SLC71A2: variants seen among roughly 807,000 people sequenced by gnomAD.
SLC71A2 encodes the protein solute carrier family 71 member 2.
At chr9:94,419,941 A>G in the SLC71A2 span, among the ~76,000 whole-genome samples, 30 of 152,036 alleles carry the variant, frequency 2.0e-4, no homozygotes, top group African/African-American at 7.0e-4. Context: ...TTGGTAAGAG[A>G]TTATAGTTAA....
At chr9:94,456,427 A>G in the SLC71A2 span, 25 of 983,944 alleles carry the variant, frequency 2.5e-5, no homozygotes, top group African/African-American at 3.5e-4. Context: ...CCCCATCAAC[A>G]GCAGGAGCCG....
chr9:94,387,034 T>TG, the SLC71A2 span, among the ~76,000 whole-genome samples: 2 of 152,266 alleles, frequency 1.3e-5, no homozygotes, highest in Admixed American at 1.3e-4. Context: ...ATATGAATAT[T>TG]ACTATTTTGC....
the SLC71A2 span, among the ~76,000 whole-genome samples, chr9:94,440,077 A>G: frequency 6.6e-6 from 1 of 152,120 alleles, no homozygotes. Flanking sequence ...GTATCCACAG[A>G]TTTTTAAAAA....
At chr9:94,424,663 G>T in the SLC71A2 span, among the ~76,000 whole-genome samples, 1 of 148,602 alleles carries the variant, frequency 6.7e-6, no homozygotes, top group East Asian at 2.0e-4. Flanking sequence ...AATCTGCTAA[G>T]AATTTTTATT....
chr9:94,402,053 TTTC>T, the SLC71A2 span, among the ~76,000 whole-genome samples: 1 of 152,194 alleles, frequency 6.6e-6, no homozygotes, highest in Non-Finnish European at 1.5e-5. Context: ...ATCACTCTCA[TTTC>T]TGTCTTGTTT....
At chr9:94,447,083 T>G in the SLC71A2 span, 3 of 538,366 alleles carry the variant, frequency 5.6e-6, no homozygotes, top group Non-Finnish European at 9.9e-6. Flanking sequence ...ATATAATTAG[T>G]AAACAGGGCA....
At chr9:94,376,608 G>C in the SLC71A2 span, among the ~76,000 whole-genome samples, 2 of 139,258 alleles carry the variant, frequency 1.4e-5, no homozygotes, top group African/African-American at 2.7e-5. Flanking sequence ...TCCACAGTTC[G>C]ATAAGTTAAC....
At chr9:94,460,706 G>A in the SLC71A2 span, 7 of 152,460 alleles carry the variant, frequency 4.6e-5, no homozygotes, top group East Asian at 1.9e-4. Context: ...ATGGGGTGCT[G>A]TGTAAATCTT....
At chr9:94,407,686 T>C in the SLC71A2 span, among the ~76,000 whole-genome samples, 1 of 152,090 alleles carries the variant, frequency 6.6e-6, no homozygotes, top group South Asian at 2.1e-4. Context: ...CCTATAGTTT[T>C]CTTGTAGTGT....
the SLC71A2 span, chr9:94,456,103 A>G: frequency 2.8e-5 from 16 of 579,278 alleles, no homozygotes; most frequent in Non-Finnish European, 3.8e-5. Flanking sequence ...AAAAAAATGC[A>G]TTTTTAAAGA....
the SLC71A2 span, chr9:94,438,250 T>G: frequency 8.6e-7 from 1 of 1,161,348 alleles, no homozygotes; most frequent in Non-Finnish European, 1.2e-6. Flanking sequence ...ATTTTATTTT[T>G]TTAGTTGTAG....
At chr9:94,456,115 G>GA in the SLC71A2 span, 7 of 606,438 alleles carry the variant, frequency 1.2e-5, no homozygotes, top group East Asian at 3.0e-5. Context: ...TTTTAAAGAG[G>GA]AAAAAATAAA....
chr9:94,375,429 G>A, the SLC71A2 span, among the ~76,000 whole-genome samples: 32 of 151,624 alleles, frequency 2.1e-4, no homozygotes, highest in African/African-American at 7.0e-4. Context: ...GAGCAAGTTA[G>A]GCTGGCCTCT....
At chr9:94,458,038 A>G in the SLC71A2 span, among the ~76,000 whole-genome samples, 1 of 152,244 alleles carries the variant, frequency 6.6e-6, no homozygotes, top group Admixed American at 6.5e-5. Context: ...CAGAGCAGGG[A>G]AATCTCAGTT....
chr9:94,457,732 C>T, the SLC71A2 span, among the ~76,000 whole-genome samples: 1 of 152,234 alleles, frequency 6.6e-6, no homozygotes, highest in Non-Finnish European at 1.5e-5. Context: ...TTCTGAATGT[C>T]AGCATATAAA....
At chr9:94,401,785 A>T in the SLC71A2 span, among the ~76,000 whole-genome samples, 3 of 151,740 alleles carry the variant, frequency 2.0e-5, no homozygotes, top group Non-Finnish European at 3.0e-5. Context: ...AACAAGAAAG[A>T]ATTCAGGGCA....
the SLC71A2 span, among the ~76,000 whole-genome samples, chr9:94,414,283 A>G: frequency 6.6e-6 from 1 of 152,176 alleles, no homozygotes; most frequent in Non-Finnish European, 1.5e-5. Context: ...GGACAGGGAA[A>G]ACGAGTCAAG....
At chr9:94,388,875 T>C in the SLC71A2 span, among the ~76,000 whole-genome samples, 1 of 152,140 alleles carries the variant, frequency 6.6e-6, no homozygotes, top group African/African-American at 2.4e-5. Flanking sequence ...ATACTGGAAG[T>C]TAGTATTCTG....
At chr9:94,459,636 T>C in the SLC71A2 span, 1 of 481,060 alleles carries the variant, frequency 2.1e-6, no homozygotes, top group Non-Finnish European at 3.7e-6. Context: ...AAGATAAGAT[T>C]TGAAATACTT....
Sources: gnomAD v4.1 joint callset for allele counts (sites outside exome capture counted in the v4.1 genomes callset) on GRCh38, gnomAD v4.1.1 for gene constraint, MANE v1.5 for transcripts, NCBI Gene and HGNC (gene_info 2026-07-23, HGNC 2026-07-21) for gene names.